The following CARHSP1 variants were observed in gnomAD, a reference collection of about 807,000 sequenced individuals.
The protein encoded by CARHSP1 is calcium-regulated heat-stable protein 1.
Under a neutral mutation model 12.5 loss-of-function variants are expected in CARHSP1, and 14 were observed. The observed-to-expected ratio is 1.12, with a 90% CI of 0.74 to 1.75. The LOEUF is 1.75. Among genes scored for constraint, CARHSP1 ranks in the 40% most tolerant of loss-of-function variants. The pLI, the probability that CARHSP1 is intolerant of heterozygous loss-of-function variation, is 0.00. For missense variants in CARHSP1, 343 were observed against 201.6 expected, an observed-to-expected ratio of 1.70 and a Z score of -4.25; for synonymous variants, 161 against 82.0, an observed-to-expected ratio of 1.96 and a Z score of -5.20.
chr16:8,867,185 C>T (rs2061468462), intron 1 of CARHSP1: 1 of 152,314 alleles, frequency 6.6e-6, no homozygotes, highest in African/African-American at 2.4e-5. Context: ...AAGAACCCTA[C>T]TCTACACGCC....
At chr16:8,856,940 C>T (rs1318342624) in intron 3 of CARHSP1, among the ~76,000 whole-genome samples, 7 of 152,190 alleles carry the variant, frequency 4.6e-5, no homozygotes, top group East Asian at 1.9e-4. Context: ...GAAGGAAGGA[C>T]GTCAGTAAGC....
rs570930795 is a variant in CARHSP1, at chr16:8,858,289, C to T, written c.281+61G>A. 7.0e-6 allele frequency: 11 copies of T among 1,582,690 alleles called. No individual in the cohort carries two copies. In the South Asian group the frequency reaches 8.0e-5, roughly 11 times the overall value. ...CATCAGAGTCACACACCATCCCCAC[C>T]TCCACAGGGCCAAGGAAGCGCCCAC... On this transcript the variant is annotated intron_variant, in intron 3 of 3. Coordinates refer to ENST00000311052, the MANE Select transcript of CARHSP1 (RefSeq NM_014316.4).
At position 8,855,305 on chromosome 16, in the gene CARHSP1, T is replaced by C; in HGVS notation, c.303A>G (p.Pro101=). The stretch of plus-strand genomic sequence containing the variant: ...TATAGGTGACCTCGTCGCCTTCCAC[T>C]GGGACATACTCCCCTTCCACACTAC... ...HISDVEGEYV[P]VEGDEVTYKM... Residue 101 remains proline (P), a synonymous_variant, in exon 4 of 4, where the codon CCA becomes CCG. Transcript: ENST00000311052. The C allele has an allele frequency of 6.2e-7, 1 of 1,607,194 alleles. No homozygotes were observed. Among genetic ancestry groups the C allele is most frequent in the South Asian group, 1.1e-5 (1 of 90,138 alleles).
chr16:8,863,843 C>T (rs2061411040), intron 1 of CARHSP1, among the ~76,000 whole-genome samples: 1 of 152,304 alleles, frequency 6.6e-6, no homozygotes. Flanking sequence ...CTCCACAATA[C>T]ACACATACAC....
In CARHSP1 at chr16:8,859,216, A is replaced by G; in HGVS notation, c.113T>C (p.Val38Ala). The G allele has an allele frequency of 6.2e-7, 1 of 1,602,660 alleles. No individual in the cohort carries two copies. Among genetic ancestry groups the G allele is most frequent in the African/African-American group, 1.4e-5 (1 of 72,596 alleles). Reference protein sequence around the residue: ...ERSPSPLRGNVVPSPLPTRRT... With the variant: ...ERSPSPLRGNAVPSPLPTRRT... ...GCGAGTGGGCAGTGGGCTTGGGACC[A>G]CGTTGCCCCGCAGAGGGGATGGTGA... The change falls in exon 2 of 4, where the codon GTG becomes GCG. Residue 38 changes from valine (V) to alanine (A), a missense_variant. Physicochemically the swap from Val to Ala is moderately conservative, Grantham distance 64. Transcript: ENST00000311052.
At position 8,856,904 on chromosome 16, in the gene CARHSP1, C is replaced by A. The variant is rs575303566; in HGVS notation, c.281+1446G>T. ...TAGGATGTGTGCGCCCCACCCCCGG[C>A]TCCCCAAGGGTTTTCAGACACTCAG... On this transcript the variant is annotated intron_variant, in intron 3 of 3. Coordinates refer to ENST00000311052, the MANE Select transcript of CARHSP1 (RefSeq NM_014316.4). 4.6e-5 allele frequency among the ~76,000 whole-genome samples: 7 copies of A among 152,230 alleles called. No homozygotes were observed. In the East Asian group the frequency reaches 1.4e-3, roughly 29 times the overall value.
In CARHSP1 at chr16:8,859,135, A is replaced by G. The variant is rs1198994315; in HGVS notation, c.158+36T>C. The G allele has an allele frequency of 2.6e-6, 4 of 1,544,812 alleles. No individual in the cohort carries two copies. The African/African-American group carries it at 4.1e-5, about 16-fold the overall frequency. ...ATCTCTGGCCTCAGGCAAGAGATCCATCTGAGAACGCGTCCCCAGCCTGCT... is the reference window on the plus strand; with the variant it reads ...ATCTCTGGCCTCAGGCAAGAGATCCGTCTGAGAACGCGTCCCCAGCCTGCT... On this transcript the variant is annotated intron_variant, in intron 2 of 3. Transcript: ENST00000311052.
intron 3 of CARHSP1, chr16:8,857,492 G>C (rs1284169999): frequency 2.3e-4 from 1 of 4,292 alleles, no homozygotes; most frequent in Non-Finnish European, 2.9e-3. Flanking sequence ...GTGATGACAG[G>C]ATTTCACCAG....
At chr16:8,861,773 C>G (rs375441006) in intron 1 of CARHSP1, 4 of 1,275,394 alleles carry the variant, frequency 3.1e-6, no homozygotes, top group Non-Finnish European at 2.0e-6. Context: ...CCAGGGCCCC[C>G]GCATGACCTA....
At chr16:8,861,049 CA>C (rs543777644) in intron 1 of CARHSP1, among the ~76,000 whole-genome samples, 1 of 75,194 alleles carries the variant, frequency 1.3e-5, no homozygotes, top group South Asian at 6.1e-4. Context: ...GACTCCGTCT[CA>C]AAAAAAAATA....
chr16:8,860,340 C>T, intron 1 of CARHSP1: 1 of 985,430 alleles, frequency 1.0e-6, no homozygotes, highest in East Asian at 1.1e-4. Flanking sequence ...TTCTGTGACC[C>T]CTAGTATGTA....
chr16:8,863,571 G>A (rs1044604359), intron 1 of CARHSP1, among the ~76,000 whole-genome samples: 2 of 152,194 alleles, frequency 1.3e-5, no homozygotes, highest in African/African-American at 2.4e-5. Flanking sequence ...ACGTGACTAG[G>A]GGCGGGGGCA....
At chr16:8,858,256 C>CA in intron 3 of CARHSP1, 94 bp downstream of exon 3, 1 of 1,433,752 alleles carries the variant, frequency 7.0e-7, no homozygotes, top group Non-Finnish European at 9.4e-7. Flanking sequence ...GTCCTCACAC[C>CA]CAGCGCCCAT....
At chr16:8,867,122 G>C (rs2141131855) in intron 1 of CARHSP1, 1 of 152,616 alleles carries the variant, frequency 6.6e-6, no homozygotes, top group Non-Finnish European at 1.5e-5. Flanking sequence ...GCCCGCCCCA[G>C]TTCTCAGCCT....
rs1411007691 is a variant in CARHSP1 at position 8,855,462 on chromosome 16, A to G, written c.282-136T>C. 7.2e-6 allele frequency: 5 copies of G among 698,688 alleles called. No homozygotes were observed. The East Asian group carries it at 1.6e-4, about 23-fold the overall frequency. The allele number at this position is 698,688 out of a possible 1,614,324, so 43.3% of individuals were successfully genotyped here. A position where few individuals can be genotyped will look rare whatever the true frequency, so the allele number is the denominator to read the frequency against. ...CCAACCACCGGGAACCTCTTTCCAA[A>G]GAACTGCCCCTCCACCAGAGGGAGC... is the stretch of plus-strand genomic sequence containing the variant. On this transcript the variant is annotated intron_variant, in intron 3 of 3. Transcript: ENST00000311052.
intron 1 of CARHSP1, chr16:8,859,912 G>C (rs1343189051): frequency 6.5e-6 from 1 of 153,440 alleles, no homozygotes; most frequent in Non-Finnish European, 1.4e-5. Flanking sequence ...GGGAGGCGGA[G>C]GTTCCAGTGA....
At chr16:8,866,475 C>G in intron 1 of CARHSP1, 3 of 985,432 alleles carry the variant, frequency 3.0e-6, no homozygotes, top group Non-Finnish European at 3.6e-6. Flanking sequence ...TGAGCTGACC[C>G]ATCCCAGTCT....
In CARHSP1 at chr16:8,858,367, G is replaced by T. The variant is rs748955559; in HGVS notation, c.264C>A (p.Ile88=). The change falls in exon 3 of 4, where the codon ATC becomes ATA. Residue 88 remains isoleucine, a synonymous_variant. Transcript: ENST00000311052. ...FITPADGGPD[I]FLHISDVEGE... ...TGACTCACTCAGAGATGTGCAGGAA[G>T]ATGTCGGGGCCGCCATCAGCTGGAG... 4.3e-6 allele frequency: 7 copies of T among 1,613,812 alleles called. No homozygotes were observed. The highest frequency in any genetic ancestry group is 1.7e-5 in the Admixed American group (1 of 59,996).
At position 8,853,248 on chromosome 16, in the gene CARHSP1, G is replaced by C. The variant is rs1421632255; in HGVS notation, c.*1916C>G. On this transcript the variant is annotated 3_prime_UTR_variant, in exon 4 of 4. Transcript: ENST00000311052. ...TCACAGGAGAGAGGCTTGGGGCAGT[G>C]AAAGCCCTCTCGGGTCTTGGCTGTG... 1 of 152,224 alleles carries C rather than the reference G, an allele frequency of 6.6e-6. No individual in the cohort carries two copies. Among genetic ancestry groups the C allele is most frequent in the Non-Finnish European group, 1.5e-5 (1 of 68,092 alleles). 9.4% of individuals were successfully genotyped at this position (152,224 alleles called of 1,614,324 possible).
Sources: allele counts gnomAD v4.1 joint callset (sites outside exome capture counted in the v4.1 genomes callset), GRCh38; gene constraint gnomAD v4.1.1; transcripts MANE v1.5; gene names NCBI Gene and HGNC (gene_info 2026-07-23, HGNC 2026-07-21).